Variants in ARIH1 observed in about 807,000 individuals in gnomAD.
ARIH1 encodes E3 ubiquitin-protein ligase ARIH1.
In ARIH1, 8 loss-of-function variants were observed where a neutral mutation model predicts 85.0. The observed-to-expected ratio is 0.09, with a 90% CI of 0.06 to 0.17. The LOEUF is 0.17. Among genes scored for constraint, ARIH1 ranks in the 10% least tolerant of loss-of-function variants. The pLI, the probability that ARIH1 is intolerant of heterozygous loss-of-function variation, is 1.00. For missense variants in ARIH1, 311 were observed against 718.1 expected (o/e 0.43, Z 6.48); for synonymous variants, 238 against 253.6 (o/e 0.94, Z 0.59).
At chr15:72,529,702 T>C (rs1029431556) in intron 2 of ARIH1, among the ~76,000 whole-genome samples, 10 of 152,118 alleles carry the variant, frequency 6.6e-5, no homozygotes, top group Admixed American at 6.6e-4. Flanking sequence ...TGGCATTTGA[T>C]TGGACAAGGA....
At chr15:72,507,946 T>G (rs1191255505) in intron 1 of ARIH1, among the ~76,000 whole-genome samples, 1 of 152,210 alleles carries the variant, frequency 6.6e-6, no homozygotes, top group Non-Finnish European at 1.5e-5. Flanking sequence ...TTTCGGAGCC[T>G]GTGTAGTGGG....
intron 1 of ARIH1, among the ~76,000 whole-genome samples, chr15:72,479,890 C>T (rs577642776): frequency 5.4e-4 from 81 of 150,030 alleles, no homozygotes; most frequent in African/African-American, 1.9e-3. Flanking sequence ...TCGTTTGAGA[C>T]GGAGTCTCGC....
At chr15:72,575,583 T>C (rs2064267356) in intron 11 of ARIH1, among the ~76,000 whole-genome samples, 1 of 148,382 alleles carries the variant, frequency 6.7e-6, no homozygotes, top group Non-Finnish European at 1.5e-5. Flanking sequence ...AAAAGTCTTA[T>C]TAGCAGTGAT....
intron 3 of ARIH1, among the ~76,000 whole-genome samples, chr15:72,546,693 T>C (rs1284029690): frequency 1.3e-5 from 2 of 151,688 alleles, no homozygotes; most frequent in African/African-American, 2.4e-5. Flanking sequence ...TTTTGTTTTG[T>C]TTGTTTGTTT....
chr15:72,570,525 A>T lies in ARIH1; in HGVS notation c.1157+218A>T, dbSNP rs182761720. Among the ~76,000 whole-genome samples, 12 of 152,356 alleles carry T rather than the reference A, an allele frequency of 7.9e-5. No homozygotes were observed. In the East Asian group the frequency reaches 2.3e-3, roughly 29 times the overall value. On this transcript the variant is annotated intron_variant, in intron 10 of 13. Coordinates refer to ENST00000379887, the MANE Select transcript of ARIH1 (RefSeq NM_005744.5). Reference sequence around the variant, plus strand: ...TTAGATGAACTTTAAGGGGACCAAGAGTTCATTAGTTATAAAAGTAGTAGG... The same window carrying T: ...TTAGATGAACTTTAAGGGGACCAAGTGTTCATTAGTTATAAAAGTAGTAGG...
chr15:72,529,105 C>T (rs2064043776), intron 2 of ARIH1, among the ~76,000 whole-genome samples: 1 of 152,016 alleles, frequency 6.6e-6, no homozygotes, highest in Admixed American at 6.5e-5. Context: ...GAGGCTGAAG[C>T]AGGAGAATGG....
intron 1 of ARIH1, among the ~76,000 whole-genome samples, chr15:72,479,968 C>T (rs1466459010): frequency 6.6e-6 from 1 of 151,042 alleles, no homozygotes; most frequent in African/African-American, 2.4e-5. Flanking sequence ...CCTGGGTTCA[C>T]GCCATTCTTC....
At chr15:72,553,990 C>G (rs2064164010) in intron 3 of ARIH1, among the ~76,000 whole-genome samples, 1 of 152,118 alleles carries the variant, frequency 6.6e-6, no homozygotes, top group Non-Finnish European at 1.5e-5. Context: ...TTTCACTGTG[C>G]AAGTGATAGG....
At chr15:72,495,229 G>A (rs2063875159) in intron 1 of ARIH1, among the ~76,000 whole-genome samples, 1 of 152,172 alleles carries the variant, frequency 6.6e-6, no homozygotes, top group Non-Finnish European at 1.5e-5. Context: ...GGGGAAATGG[G>A]GCGTGACTGC....
chr15:72,601,859 T>G lies in ARIH1; in HGVS notation c.*18567T>G, dbSNP rs1287464139. 1 of 152,206 alleles carries G rather than the reference T, an allele frequency of 6.6e-6. No individual in the cohort carries two copies. The highest frequency in any genetic ancestry group is 1.5e-5 in the Non-Finnish European group (1 of 68,042). The allele number at this position is 152,206 out of a possible 1,614,324, so 9.4% of individuals were successfully genotyped here. On this transcript the variant is annotated 3_prime_UTR_variant, in exon 14 of 14. Coordinates refer to ENST00000379887, the MANE Select transcript of ARIH1 (RefSeq NM_005744.5). ...CCAGTTCTCCTCTTTAGAACCACTT[T>G]TAGCATTTTGAATATCCTTCCAGAA...
Position 72,538,452 on chromosome 15 carries a change from A to G in ARIH1, c.444-6368A>G, listed in dbSNP as rs574380688. Among the ~76,000 whole-genome samples the G allele has an allele frequency of 5.3e-5, 8 of 152,348 alleles. No homozygotes were observed. In the South Asian group the frequency reaches 8.3e-4, roughly 16 times the overall value. On this transcript the variant is annotated intron_variant, in intron 2 of 13. Coordinates refer to ENST00000379887, the MANE Select transcript of ARIH1 (RefSeq NM_005744.5). ...TTTTACATTTTGCTTTTCTGATTCT[A>G]TTGTGAGAATTAGTACTTCTCCAAT...
In ARIH1 at chr15:72,582,045, A is replaced by G; in HGVS notation, c.1477-30A>G. 2 of 1,489,776 alleles carry G rather than the reference A, an allele frequency of 1.3e-6. No homozygotes were observed. The highest frequency in any genetic ancestry group is 1.9e-6 in the Non-Finnish European group (2 of 1,074,036). 92.3% of individuals were successfully genotyped at this position (1,489,776 alleles called of 1,614,324 possible). A position where few individuals can be genotyped will look rare whatever the true frequency, so the allele number is the denominator to read the frequency against. ...GGTTTATCTTTTAGCTTTATTTTGA[A>G]GCCAAAATTTACTTTCATTCTTCTT... On this transcript the variant is annotated intron_variant, in intron 12 of 13. Coordinates refer to ENST00000379887, the MANE Select transcript of ARIH1 (RefSeq NM_005744.5). The surrounding 1 kb of genome is among the most constrained non-coding windows in gnomAD (Gnocchi z 4.6).
chr15:72,529,766 A>T (rs1385300672), intron 2 of ARIH1, among the ~76,000 whole-genome samples: 1 of 152,198 alleles, frequency 6.6e-6, no homozygotes, highest in Non-Finnish European at 1.5e-5. Context: ...AACAAAACTA[A>T]GTGGGGCACA....
chr15:72,563,483 A>G lies in ARIH1; in HGVS notation c.894A>G (p.Lys298=). 1 of 1,614,048 alleles carries G rather than the reference A, an allele frequency of 6.2e-7. No individual in the cohort carries two copies. Among genetic ancestry groups the G allele is most frequent in the Non-Finnish European group, 8.5e-7 (1 of 1,179,924 alleles). Residue 298 remains lysine (K), a synonymous_variant, in exon 7 of 14, where the codon AAA becomes AAG. Coordinates refer to ENST00000379887, the MANE Select transcript of ARIH1 (RefSeq NM_005744.5). ...QYPDAKPVRC[K]CGRQFCFNCG... ...CTGATGCTAAACCTGTTCGCTGCAAATGTGGGCGCCAATTTTGGTAAGCAA... is the reference window on the plus strand; with the variant it reads ...CTGATGCTAAACCTGTTCGCTGCAAGTGTGGGCGCCAATTTTGGTAAGCAA...
chr15:72,520,450 T>C (rs2063994480), intron 2 of ARIH1, among the ~76,000 whole-genome samples: 1 of 152,038 alleles, frequency 6.6e-6, no homozygotes, highest in South Asian at 2.1e-4. Flanking sequence ...GTAAATACCA[T>C]GTAGGTGCCG....
intron 1 of ARIH1, among the ~76,000 whole-genome samples, chr15:72,504,448 T>C (rs948069992): frequency 6.6e-6 from 1 of 152,056 alleles, no homozygotes; most frequent in African/African-American, 2.4e-5. Flanking sequence ...TGAAGGATGG[T>C]GGAGGCGGAT....
At chr15:72,559,092 G>A (rs1373513000) in intron 5 of ARIH1, among the ~76,000 whole-genome samples, 2 of 152,012 alleles carry the variant, frequency 1.3e-5, no homozygotes, top group East Asian at 1.9e-4. Context: ...CAAAATCTGC[G>A]CATGCTCATG....
chr15:72,511,972 G>GAATATTTAAAACTATTTA (rs1180583489), intron 1 of ARIH1, among the ~76,000 whole-genome samples: 1 of 152,090 alleles, frequency 6.6e-6, no homozygotes, highest in Non-Finnish European at 1.5e-5. Flanking sequence ...TAATTAAATT[G>GAATATTTAAAACTATTTA]AATTTTGAAT....
At chr15:72,570,037 C>G (rs1045396310) in intron 9 of ARIH1, 140 bp from the exon 10 acceptor site, 3 of 889,084 alleles carry the variant, frequency 3.4e-6, no homozygotes, top group African/African-American at 3.4e-5. Flanking sequence ...GTGTTCAACA[C>G]TGTTCTAAGT....
Sources: allele counts gnomAD v4.1 joint callset (sites outside exome capture counted in the v4.1 genomes callset), GRCh38; gene constraint gnomAD v4.1.1; non-coding constraint Gnocchi (gnomAD v3.1); transcripts MANE v1.5; gene names NCBI Gene and HGNC (gene_info 2026-07-23, HGNC 2026-07-21).